NRG1: variants seen among roughly 807,000 people sequenced by gnomAD.
The protein encoded by NRG1 is neuregulin 1.
NRG1 carries 18 observed loss-of-function variants against 63.8 expected under a neutral mutation model. That is an observed-to-expected ratio of 0.28 (90% CI 0.19 to 0.42). The LOEUF (loss-of-function observed/expected upper bound fraction) is 0.42, where lower values mean the gene tolerates loss of function less well. Ranked by LOEUF, NRG1 falls within the 10% of genes least tolerant of loss-of-function variation. The probability of loss-of-function intolerance (pLI) is 1.00; values close to 1 mark genes in which losing one functional copy is unlikely to be tolerated. For synonymous variants in NRG1, 302 were observed against 301.3 expected, an observed-to-expected ratio of 1.00 and a Z score of -0.02; for missense variants, 762 against 814.7, an observed-to-expected ratio of 0.94 and a Z score of 0.79.
intron 1 of NRG1, among the ~76,000 whole-genome samples, chr8:31,959,884 C>T (rs896507937): frequency 6.6e-6 from 1 of 151,094 alleles, no homozygotes; most frequent in Non-Finnish European, 1.5e-5. Context: ...GTCTTGAAGT[C>T]CTGGCCCCAA....
intron 1 of NRG1, among the ~76,000 whole-genome samples, chr8:32,321,305 T>C (rs1032867549): frequency 3.3e-5 from 5 of 152,150 alleles, no homozygotes; most frequent in Admixed American, 2.6e-4. Flanking sequence ...TAGCAATATC[T>C]TTTTAGCTTA....
At chr8:32,182,563 C>A (rs1241806247) in intron 1 of NRG1, among the ~76,000 whole-genome samples, 1 of 152,134 alleles carries the variant, frequency 6.6e-6, no homozygotes, top group Non-Finnish European at 1.5e-5. Flanking sequence ...GCTTCACAGT[C>A]AGTAGGCCCA....
chr8:31,943,486 A>G (rs1456823843), intron 1 of NRG1, among the ~76,000 whole-genome samples: 2 of 152,034 alleles, frequency 1.3e-5, no homozygotes, highest in Non-Finnish European at 2.9e-5. Context: ...CTACTAAAAA[A>G]CTTACTCATG....
At chr8:32,351,387 G>A (rs1412373994) in intron 1 of NRG1, among the ~76,000 whole-genome samples, 1 of 152,158 alleles carries the variant, frequency 6.6e-6, no homozygotes, top group Non-Finnish European at 1.5e-5. Flanking sequence ...TATGGAAAGA[G>A]GATGATATGT....
intron 1 of NRG1, among the ~76,000 whole-genome samples, chr8:32,488,613 C>A (rs574025553): frequency 6.7e-6 from 1 of 150,174 alleles, no homozygotes; most frequent in Non-Finnish European, 1.5e-5. Context: ...CCATCTCTAC[C>A]CAAACAAACA....
intron 1 of NRG1, among the ~76,000 whole-genome samples, chr8:32,583,859 G>C (rs1841143983): frequency 6.6e-6 from 1 of 152,090 alleles, no homozygotes; most frequent in Admixed American, 6.6e-5. Context: ...CTAATAGTAG[G>C]GTAAGGAAAA....
chr8:32,527,335 T>TA (rs35249924), intron 1 of NRG1, among the ~76,000 whole-genome samples: 17,071 of 151,968 alleles, frequency 0.11, 1,219 homozygotes, highest in Admixed American at 0.24. Context: ...TACTAAGCCA[T>TA]AAAAAATAAA....
intron 5 of NRG1, among the ~76,000 whole-genome samples, chr8:32,633,393 C>T (rs764480351): frequency 2.0e-5 from 3 of 152,090 alleles, no homozygotes; most frequent in Non-Finnish European, 4.4e-5. Context: ...TGTCCAGTAC[C>T]TCCAAAGGCC....
chr8:31,739,445 T>C (rs1815040120), intron 1 of NRG1, among the ~76,000 whole-genome samples: 1 of 152,130 alleles, frequency 6.6e-6, no homozygotes, highest in Non-Finnish European at 1.5e-5. Context: ...GTTATTTTGC[T>C]AAGTGGTTCC....
intron 1 of NRG1, among the ~76,000 whole-genome samples, chr8:32,232,046 G>C (rs923528308): frequency 2.0e-5 from 3 of 151,976 alleles, no homozygotes; most frequent in African/African-American, 7.2e-5. Context: ...TAGGACTACA[G>C]ATGCACATCA....
At chr8:31,945,030 G>A (rs1023036386) in intron 1 of NRG1, among the ~76,000 whole-genome samples, 5 of 152,178 alleles carry the variant, frequency 3.3e-5, no homozygotes, top group African/African-American at 1.2e-4. Context: ...TTCCAGGAAT[G>A]ATTTACATGT....
At chr8:31,754,774 C>T (rs1261428769) in intron 1 of NRG1, among the ~76,000 whole-genome samples, 1 of 152,024 alleles carries the variant, frequency 6.6e-6, no homozygotes, top group East Asian at 1.9e-4. Flanking sequence ...AGTACAACTG[C>T]TCCTATCTAT....
chr8:32,335,184 A>G (rs1047957257), intron 1 of NRG1, among the ~76,000 whole-genome samples: 1 of 152,232 alleles, frequency 6.6e-6, no homozygotes, highest in African/African-American at 2.4e-5. Flanking sequence ...CTCTAGGCAT[A>G]TAAAACTATT....
chr8:32,071,240 G>T (rs185229135), intron 1 of NRG1, among the ~76,000 whole-genome samples: 144 of 152,244 alleles, frequency 9.5e-4, no homozygotes, highest in African/African-American at 3.3e-3. Context: ...TCCTTAACTC[G>T]ATAGGAGGCT....
chr8:31,725,668 A>T (rs571263136), intron 1 of NRG1, among the ~76,000 whole-genome samples: 2 of 152,324 alleles, frequency 1.3e-5, no homozygotes, highest in Admixed American at 1.3e-4. Context: ...CACTGAGCTT[A>T]AAGCAGCCAA....
chr8:32,347,693 C>T (rs1805087367), intron 1 of NRG1, among the ~76,000 whole-genome samples: 2 of 152,108 alleles, frequency 1.3e-5, no homozygotes, highest in Non-Finnish European at 2.9e-5. Context: ...CCGTGTGTCT[C>T]CAGACTTTTA....
intron 1 of NRG1, among the ~76,000 whole-genome samples, chr8:32,127,818 C>T (rs1451168489): frequency 6.6e-6 from 1 of 151,656 alleles, no homozygotes; most frequent in African/African-American, 2.4e-5. Flanking sequence ...TCCAGCTACT[C>T]GGGAAGCTGA....
intron 5 of NRG1, among the ~76,000 whole-genome samples, chr8:32,654,857 A>G (rs1801097906): frequency 2.0e-5 from 3 of 152,130 alleles, no homozygotes; most frequent in African/African-American, 7.2e-5. Flanking sequence ...ATTATTAACT[A>G]TATTTACTTC....
intron 1 of NRG1, among the ~76,000 whole-genome samples, chr8:32,065,171 T>C (rs2199537): frequency 0.95 from 144,252 of 151,584 alleles, 69,009 homozygotes; most frequent in East Asian, 1. Flanking sequence ...AAGAACTTTG[T>C]GGCCATCGAT....
Sources: allele counts gnomAD v4.1 joint callset (sites outside exome capture counted in the v4.1 genomes callset), GRCh38; gene constraint gnomAD v4.1.1; transcripts MANE v1.5; gene names NCBI Gene and HGNC (gene_info 2026-07-23, HGNC 2026-07-21).